Variants in PCDHGA2 observed in about 807,000 individuals in gnomAD.
PCDHGA2 encodes the protein protocadherin gamma subfamily A, 2.
A neutral mutation model predicts 59.2 loss-of-function variants in PCDHGA2; 40 were observed. That is an observed-to-expected ratio of 0.68 (90% CI 0.52 to 0.88). The LOEUF (loss-of-function observed/expected upper bound fraction) is 0.88, where lower values mean the gene tolerates loss of function less well. Among genes scored for constraint, PCDHGA2 ranks in the 40% least tolerant of loss-of-function variants. The pLI, the probability that PCDHGA2 is intolerant of heterozygous loss-of-function variation, is 0.00. For missense variants in PCDHGA2, 1,226 were observed against 1,204.0 expected (o/e 1.02, Z -0.27); for synonymous variants, 560 against 526.0 (o/e 1.06, Z -0.89).
At chr5:141,371,726 T>G (rs769173416) in intron 1 of PCDHGA2, 3 of 1,613,932 alleles carry the variant, frequency 1.9e-6, no homozygotes, top group Non-Finnish European at 2.5e-6. Context: ...ACATCCTTGA[T>G]GTCAACGACA....
At chr5:141,390,114 G>A in intron 1 of PCDHGA2, 1 of 1,614,048 alleles carries the variant, frequency 6.2e-7, no homozygotes, top group African/African-American at 1.3e-5. Flanking sequence ...CTACAGCGAG[G>A]GGACTTTGCC....
chr5:141,354,055 T>C (rs1040476692), intron 1 of PCDHGA2, among the ~76,000 whole-genome samples: 21 of 152,198 alleles, frequency 1.4e-4, no homozygotes, highest in African/African-American at 4.3e-4. Context: ...GCAATGATAA[T>C]CCATGTTCGG....
chr5:141,435,804 A>AT (rs2097781092), intron 1 of PCDHGA2, among the ~76,000 whole-genome samples: 1 of 151,814 alleles, frequency 6.6e-6, no homozygotes, highest in Non-Finnish European at 1.5e-5. Flanking sequence ...CGTCCCAATT[A>AT]TTTTTTCTTT....
intron 1 of PCDHGA2, chr5:141,408,003 C>A: frequency 3.3e-6 from 3 of 917,520 alleles, no homozygotes; most frequent in Non-Finnish European, 4.7e-6. Context: ...GCCTGGGATT[C>A]CCTGCGCAGC....
At position 141,434,771 on chromosome 5, in the gene PCDHGA2, TA is replaced by T. The variant is rs36031641; in HGVS notation, c.2425-60023del. On this transcript the variant is annotated intron_variant, in intron 1 of 3. Transcript: ENST00000394576. ...CCCCTGATTCCCCACTTCACACTTC[TA>T]AAAAAAAAAAAATTTTTTTTTCTGA... 2.5e-3 allele frequency among the ~76,000 whole-genome samples: 362 copies of T among 145,286 alleles called. 1 individual carries two copies. The highest frequency in any genetic ancestry group is 0.011 in the Middle Eastern group (3 of 280).
At chr5:141,423,497 A>G in intron 1 of PCDHGA2, 4 of 1,613,940 alleles carry the variant, frequency 2.5e-6, no homozygotes, top group Non-Finnish European at 3.4e-6. Flanking sequence ...TATTCCCACG[A>G]GGTCTCTCTC....
chr5:141,419,333 A>G, intron 1 of PCDHGA2: 2 of 1,613,804 alleles, frequency 1.2e-6, no homozygotes, highest in South Asian at 1.1e-5. Context: ...CTACTCTCTC[A>G]TTGCCAGCGA....
intron 1 of PCDHGA2, chr5:141,388,424 GA>G: frequency 6.2e-7 from 1 of 1,613,812 alleles, no homozygotes; most frequent in African/African-American, 1.3e-5. Flanking sequence ...ATTTCTCACT[GA>G]TAAATAAAGA....
intron 1 of PCDHGA2, among the ~76,000 whole-genome samples, chr5:141,454,204 T>G (rs1161344350): frequency 3.3e-5 from 5 of 152,170 alleles, no homozygotes; most frequent in Non-Finnish European, 1.5e-5. Context: ...GTGAATTTAT[T>G]GACATGAATG....
At position 141,398,657 on chromosome 5, in the gene PCDHGA2, G is replaced by A. The variant is rs776950213; in HGVS notation, c.2424+57262G>A. 3.1e-6 allele frequency: 5 copies of A among 1,614,018 alleles called. No individual in the cohort carries two copies. In the South Asian group the frequency reaches 5.5e-5, roughly 18 times the overall value. On this transcript the variant is annotated intron_variant, in intron 1 of 3. Transcript: ENST00000394576. ...AAGTATAAACTCTCTCTTAACCCAA[G>A]TTTCTCATTAATAATTAAGGAGAAA...
At chr5:141,426,538 C>T (rs1038881219) in intron 1 of PCDHGA2, 2 of 346,308 alleles carry the variant, frequency 5.8e-6, no homozygotes, top group Non-Finnish European at 1.2e-5. Context: ...TGGGAACATA[C>T]TTGTGAGTGA....
chr5:141,351,708 T>A (rs758388359), intron 1 of PCDHGA2: 1 of 1,613,718 alleles, frequency 6.2e-7, no homozygotes, highest in Non-Finnish European at 8.5e-7. Flanking sequence ...AACGGCAGAG[T>A]CTCCTACTCT....
chr5:141,400,231 G>T (rs572459159), intron 1 of PCDHGA2: 62 of 1,613,870 alleles, frequency 3.8e-5, no homozygotes, highest in Non-Finnish European at 5.1e-5. Flanking sequence ...CTTCCTCCTG[G>T]CCGTGATTCT....
intron 1 of PCDHGA2, chr5:141,357,123 G>A: frequency 1.2e-6 from 2 of 1,613,670 alleles, no homozygotes; most frequent in Non-Finnish European, 1.7e-6. Flanking sequence ...TCAAGCAGAG[G>A]CTTGTAGTGG....
Position 141,403,914 on chromosome 5 carries a change from C to A in PCDHGA2, c.2424+62519C>A, listed in dbSNP as rs748975395. The A allele has an allele frequency of 1.3e-5, 21 of 1,613,662 alleles. No homozygotes were observed. Among genetic ancestry groups the A allele is most frequent in the South Asian group, 2.2e-5 (2 of 91,064 alleles). On this transcript the variant is annotated intron_variant, in intron 1 of 3. Coordinates refer to ENST00000394576, the MANE Select transcript of PCDHGA2 (RefSeq NM_018915.4). ...TCATTTTATGAAATGGAAATACAAG[C>A]TGAAGATGGTGGGGGATTGAAAGGG...
intron 2 of PCDHGA2, among the ~76,000 whole-genome samples, chr5:141,499,689 CTT>C (rs545067566): frequency 7.5e-5 from 9 of 119,852 alleles, no homozygotes; most frequent in African/African-American, 9.3e-5. Flanking sequence ...TAACAGATGA[CTT>C]TTTTTTTTTT....
chr5:141,508,979 G>C (rs1317798009), intron 3 of PCDHGA2, among the ~76,000 whole-genome samples: 1 of 152,110 alleles, frequency 6.6e-6, no homozygotes, highest in Admixed American at 6.5e-5. Context: ...GCTGGGGGTG[G>C]GGGCCAGCTG....
rs370127569 is a variant in PCDHGA2 at position 141,422,859 on chromosome 5, C to T, written c.2425-71948C>T. 1.4e-5 allele frequency: 22 copies of T among 1,614,148 alleles called. No homozygotes were observed. In the African/African-American group the frequency reaches 2.5e-4, roughly 19 times the overall value. ...GTGACAGCGGGGACCCGCCCCTCAG[C>T]AGCAACGTGTCGCTGAGCCTGTTCG... On this transcript the variant is annotated intron_variant, in intron 1 of 3. Transcript: ENST00000394576.
chr5:141,364,414 CG>C, intron 1 of PCDHGA2: 1 of 1,612,330 alleles, frequency 6.2e-7, no homozygotes, highest in Non-Finnish European at 8.5e-7. Flanking sequence ...AGCCAGGATC[CG>C]GGCAGATCCG....
Sources: gnomAD v4.1 joint callset for allele counts (sites outside exome capture counted in the v4.1 genomes callset) on GRCh38, gnomAD v4.1.1 for gene constraint, MANE v1.5 for transcripts, NCBI Gene and HGNC (gene_info 2026-07-23, HGNC 2026-07-21) for gene names.